FXYD6: variants seen among roughly 807,000 people sequenced by gnomAD.
FXYD6 encodes FXYD domain-containing ion transport regulator 6.
Under a neutral mutation model 16.7 loss-of-function variants are expected in FXYD6, and 7 were observed. That is an observed-to-expected ratio of 0.42 (90% CI 0.24 to 0.79). The LOEUF (loss-of-function observed/expected upper bound fraction) is 0.79. FXYD6 is among the 30% of genes least tolerant of loss of function. FXYD6 has a pLI of 0.28. For synonymous variants in FXYD6, 49 were observed against 43.0 expected (o/e 1.14, Z -0.54); for missense variants, 111 against 116.2 (o/e 0.95, Z 0.21).
At chr11:117,868,355 TC>T (rs2057055896) in intron 1 of FXYD6, among the ~76,000 whole-genome samples, 1 of 152,166 alleles carries the variant, frequency 6.6e-6, no homozygotes, top group Admixed American at 6.5e-5. Flanking sequence ...GATTGTATCG[TC>T]TTGGTGTGAT....
intron 6 of FXYD6, 105 bp downstream of exon 6, chr11:117,840,214 A>G: frequency 1.4e-6 from 2 of 1,473,804 alleles, no homozygotes; most frequent in Non-Finnish European, 1.9e-6. Flanking sequence ...GCACTGCGGG[A>G]GCATGTCTGG....
intron 1 of FXYD6, among the ~76,000 whole-genome samples, chr11:117,858,691 CTTTCTTTCTTTCTCTCTCTCTCT>C (rs2056813106): frequency 1.1e-5 from 1 of 87,954 alleles, no homozygotes; most frequent in African/African-American, 5.2e-5. Context: ...TTCTTTCTTT[CTTTCTTTCTTTCTCTCTCTCTCT>C]CCTTCCTTCC....
At chr11:117,840,088 T>TG (rs1591549970) in intron 6 of FXYD6, 1 of 641,974 alleles carries the variant, frequency 1.6e-6, no homozygotes, top group Non-Finnish European at 2.7e-6. Context: ...TTAAATGATA[T>TG]GGGGTCTGTG....
At chr11:117,840,895 A>G (rs2056323855) in intron 5 of FXYD6, among the ~76,000 whole-genome samples, 1 of 151,902 alleles carries the variant, frequency 6.6e-6, no homozygotes, top group South Asian at 2.1e-4. Flanking sequence ...AGGTTCCAGT[A>G]CTTTCTTGTC....
At position 117,870,904 on chromosome 11, in the gene FXYD6, A is replaced by C. The variant is rs2057120730; in HGVS notation, c.-6+5688T>G. ...GGCCATCTCTGGATCCCTGGCACTG[A>C]GCACAGCAGCTGCTCAATAAATGTT... On this transcript the variant is annotated intron_variant, in intron 1 of 7. Transcript: ENST00000526014. This position sits in a 1 kb window ranked among gnomAD's most constrained non-coding sequence, Gnocchi z 4.2. Among the ~76,000 whole-genome samples, 1 of 152,170 alleles carries C rather than the reference A, an allele frequency of 6.6e-6. No homozygotes were observed.
chr11:117,846,620 G>A (rs147380441), intron 1 of FXYD6, among the ~76,000 whole-genome samples: 13 of 152,334 alleles, frequency 8.5e-5, no homozygotes, highest in South Asian at 4.1e-4. Context: ...TCCAGGGGCA[G>A]ACTGCCTCCC....
At chr11:117,839,647 C>A in intron 7 of FXYD6, 134 bp downstream of exon 7, 1 of 1,064,234 alleles carries the variant, frequency 9.4e-7, no homozygotes, top group Non-Finnish European at 1.4e-6. Flanking sequence ...CTGAAGGCTC[C>A]TCAGGGCAGG....
At chr11:117,845,850 G>T (rs947599683) in intron 1 of FXYD6, among the ~76,000 whole-genome samples, 2 of 152,164 alleles carry the variant, frequency 1.3e-5, no homozygotes, top group African/African-American at 2.4e-5. Context: ...CTATGAATGA[G>T]ATAGTTTCTT....
intron 1 of FXYD6, among the ~76,000 whole-genome samples, chr11:117,873,653 G>T (rs972102259): frequency 6.6e-6 from 1 of 152,310 alleles, no homozygotes; most frequent in Admixed American, 6.5e-5. Flanking sequence ...GTGAATATTG[G>T]GGGGCTGCCT....
intron 1 of FXYD6, among the ~76,000 whole-genome samples, chr11:117,864,952 C>A (rs2056984293): frequency 6.6e-6 from 1 of 152,028 alleles, no homozygotes. Flanking sequence ...TCAAAAATAC[C>A]ACAGAGTGGA....
intron 1 of FXYD6, among the ~76,000 whole-genome samples, chr11:117,859,869 C>T (rs559123867): frequency 5.3e-5 from 8 of 152,294 alleles, no homozygotes; most frequent in South Asian, 4.1e-4. Context: ...TTAGTCTGGT[C>T]GTACGCTACT....
At chr11:117,848,689 C>T (rs1038568339) in intron 1 of FXYD6, among the ~76,000 whole-genome samples, 2 of 152,084 alleles carry the variant, frequency 1.3e-5, no homozygotes, top group Non-Finnish European at 2.9e-5. Context: ...TCTTAAATGG[C>T]CCATTCAATT....
rs2298463 is a variant in FXYD6 at position 117,842,171 on chromosome 11, C to T, written c.59-143G>A. The T allele has an allele frequency of 2.5e-4, 333 of 1,311,316 alleles. 1 individual carries two copies. The East Asian group carries it at 7.5e-3, about 30-fold the overall frequency. The allele number at this position is 1,311,316 out of a possible 1,614,324, so 81.2% of individuals were successfully genotyped here. On this transcript the variant is annotated intron_variant, in intron 2 of 7. Transcript: ENST00000526014. The stretch of plus-strand genomic sequence containing the variant: ...TTAAACAGAGATGCCTAGAGGTGCA[C>T]GGTAGGGCGGGCCTGCCAGTTAGGG...
intron 1 of FXYD6, among the ~76,000 whole-genome samples, chr11:117,862,686 A>G (rs1368159429): frequency 6.6e-6 from 1 of 152,214 alleles, no homozygotes; most frequent in Admixed American, 6.5e-5. Context: ...CCTTCAGGGT[A>G]TCTCTCTAGA....
intron 1 of FXYD6, among the ~76,000 whole-genome samples, chr11:117,860,964 C>A (rs1382907121): frequency 6.6e-6 from 1 of 152,200 alleles, no homozygotes; most frequent in Non-Finnish European, 1.5e-5. Flanking sequence ...AGCCTAGATT[C>A]AATCCCAAGC....
At chr11:117,860,594 C>T (rs1034632216) in intron 1 of FXYD6, among the ~76,000 whole-genome samples, 3 of 152,184 alleles carry the variant, frequency 2.0e-5, no homozygotes, top group East Asian at 1.9e-4. Flanking sequence ...AAACAGGCTA[C>T]GGAACCCTGA....
chr11:117,839,042 G>C (rs1245493223), intron 7 of FXYD6: 1 of 153,038 alleles, frequency 6.5e-6, no homozygotes, highest in East Asian at 1.9e-4. Context: ...CATAAAGCGA[G>C]ACGCACAGGA....
rs57385031 is a variant in FXYD6, at chr11:117,838,041, T to TCACACA, written c.*252_*257dup. On this transcript the variant is annotated 3_prime_UTR_variant, in exon 8 of 8. Transcript: ENST00000526014. ...GACCACAGTTAGCAAACACACACAG[T>TCACACA]CACACACACACACACACACACACAC... The TCACACA allele has an allele frequency of 6.8e-6, 4 of 591,022 alleles. No individual in the cohort carries two copies. The highest frequency in any genetic ancestry group is 1.9e-5 in the South Asian group (1 of 52,150). 36.6% of individuals were successfully genotyped at this position (591,022 alleles called of 1,614,324 possible).
chr11:117,861,254 C>T (rs1232190310), intron 1 of FXYD6, among the ~76,000 whole-genome samples: 1 of 152,216 alleles, frequency 6.6e-6, no homozygotes, highest in Admixed American at 6.5e-5. Context: ...CTGCCAATCT[C>T]AGCTCCTTCC....
Sources: allele counts gnomAD v4.1 joint callset (sites outside exome capture counted in the v4.1 genomes callset), GRCh38; gene constraint gnomAD v4.1.1; non-coding constraint Gnocchi (gnomAD v3.1); transcripts MANE v1.5; gene names NCBI Gene and HGNC (gene_info 2026-07-23, HGNC 2026-07-21).